Variants in PSD3 observed in about 807,000 individuals in gnomAD.
PSD3 encodes pleckstrin and Sec7 domain containing 3.
Under a neutral mutation model 105.5 loss-of-function variants are expected in PSD3, and 49 were observed. The observed-to-expected ratio is 0.46, with a 90% confidence interval of 0.37 to 0.59. PSD3 has a LOEUF of 0.59. Ranked by LOEUF, PSD3 falls within the 20% of genes least tolerant of loss-of-function variation. The pLI is 0.00. For missense variants in PSD3, 1,561 were observed against 1,263.8 expected, an observed-to-expected ratio of 1.24 and a Z score of -3.57; for synonymous variants, 557 against 457.8, an observed-to-expected ratio of 1.22 and a Z score of -2.77.
chr8:18,819,579 T>C (rs1169325333), intron 4 of PSD3, among the ~76,000 whole-genome samples: 2 of 138,446 alleles, frequency 1.4e-5, no homozygotes, highest in Admixed American at 1.4e-4. Context: ...GAATGGATTT[T>C]TTTTTTTTTT....
At chr8:18,565,424 C>G (rs1801677624) in intron 14 of PSD3, among the ~76,000 whole-genome samples, 1 of 152,168 alleles carries the variant, frequency 6.6e-6, no homozygotes, top group Non-Finnish European at 1.5e-5. Context: ...TCCTCCTACA[C>G]AGCAGAGTTG....
intron 14 of PSD3, among the ~76,000 whole-genome samples, chr8:18,565,663 C>T (rs956104050): frequency 5.3e-5 from 8 of 152,042 alleles, no homozygotes; most frequent in African/African-American, 1.4e-4. Context: ...ATTTTTATAC[C>T]TGTATTTTGT....
At chr8:18,590,993 C>G (rs1803560843) in intron 12 of PSD3, among the ~76,000 whole-genome samples, 2 of 152,126 alleles carry the variant, frequency 1.3e-5, no homozygotes. Context: ...CCTGGGAGTG[C>G]TGTTAGCAAG....
intron 4 of PSD3, among the ~76,000 whole-genome samples, chr8:18,822,642 A>T (rs1272002225): frequency 6.6e-6 from 1 of 152,174 alleles, no homozygotes; most frequent in African/African-American, 2.4e-5. Context: ...ATCAGTGTGA[A>T]CCACTAAGCA....
intron 1 of PSD3, among the ~76,000 whole-genome samples, chr8:19,031,861 T>C (rs2129476246): frequency 6.6e-6 from 1 of 152,348 alleles, no homozygotes; most frequent in African/African-American, 2.4e-5. Context: ...TAACTCAATC[T>C]CAGTTTACAG....
At chr8:18,983,994 G>C (rs1326470696) in intron 1 of PSD3, among the ~76,000 whole-genome samples, 5 of 140,512 alleles carry the variant, frequency 3.6e-5, no homozygotes, top group African/African-American at 1.3e-4. Context: ...AACAAAGTGA[G>C]ACACTATCTC....
intron 15 of PSD3, among the ~76,000 whole-genome samples, chr8:18,551,785 C>A (rs1800782974): frequency 6.6e-6 from 1 of 152,084 alleles, no homozygotes; most frequent in Non-Finnish European, 1.5e-5. Flanking sequence ...GGATTGGAAC[C>A]TGAAAACACA....
intron 9 of PSD3, among the ~76,000 whole-genome samples, chr8:18,720,164 G>C (rs950471990): frequency 2.0e-5 from 3 of 152,040 alleles, no homozygotes; most frequent in Non-Finnish European, 2.9e-5. Flanking sequence ...TGCAAGCAGA[G>C]AAGTTGGAAA....
At chr8:18,901,270 G>A (rs549975077) in intron 2 of PSD3, among the ~76,000 whole-genome samples, 1 of 152,066 alleles carries the variant, frequency 6.6e-6, no homozygotes, top group African/African-American at 2.4e-5. Flanking sequence ...TAAAATATTT[G>A]AATATAAGTG....
At chr8:18,985,888 C>CT (rs1490565538) in intron 1 of PSD3, among the ~76,000 whole-genome samples, 1 of 151,640 alleles carries the variant, frequency 6.6e-6, no homozygotes, top group Non-Finnish European at 1.5e-5. Context: ...CTTTCTAACT[C>CT]TAAATTAATA....
chr8:18,958,934 CTTTT>C (rs1393038292), intron 1 of PSD3, among the ~76,000 whole-genome samples: 1 of 118,590 alleles, frequency 8.4e-6, no homozygotes, highest in East Asian at 2.6e-4. Flanking sequence ...TTTTTTTTTT[CTTTT>C]GAGACGGAGT....
At chr8:18,929,779 C>T (rs1036830085) in intron 2 of PSD3, among the ~76,000 whole-genome samples, 6 of 151,778 alleles carry the variant, frequency 4.0e-5, no homozygotes, top group African/African-American at 9.7e-5. Context: ...AACTGACCCT[C>T]GATGAAGCAA....
intron 1 of PSD3, among the ~76,000 whole-genome samples, chr8:19,060,243 A>T (rs985892469): frequency 7.2e-5 from 11 of 152,228 alleles, no homozygotes; most frequent in African/African-American, 2.7e-4. Context: ...AAAGAGAAAA[A>T]AAACTTTAAA....
chr8:18,716,092 T>C (rs985528746), intron 9 of PSD3, among the ~76,000 whole-genome samples: 2 of 152,128 alleles, frequency 1.3e-5, no homozygotes. Context: ...CATGGCCCAA[T>C]TGTTGGTCAG....
intron 6 of PSD3, among the ~76,000 whole-genome samples, chr8:18,803,807 C>T (rs546383340): frequency 3.3e-5 from 5 of 151,904 alleles, no homozygotes; most frequent in South Asian, 2.1e-4. Context: ...CATTGTTTAA[C>T]GAGTATGGAG....
chr8:18,627,717 T>C (rs546613693), intron 11 of PSD3, among the ~76,000 whole-genome samples: 10 of 152,020 alleles, frequency 6.6e-5, no homozygotes, highest in Non-Finnish European at 1.5e-4. Context: ...TCCAGTGTTT[T>C]TTTTAGATGA....
At chr8:18,949,958 A>G (rs957844713) in intron 1 of PSD3, among the ~76,000 whole-genome samples, 1 of 152,212 alleles carries the variant, frequency 6.6e-6, no homozygotes, top group African/African-American at 2.4e-5. Context: ...AATTACCAGT[A>G]AAGTCATTCT....
At chr8:18,787,832 A>T (rs1809325074) in intron 8 of PSD3, among the ~76,000 whole-genome samples, 1 of 152,224 alleles carries the variant, frequency 6.6e-6, no homozygotes. Flanking sequence ...ACATTCCCAT[A>T]AACAATTTTT....
intron 2 of PSD3, chr8:18,887,115 T>G (rs1818497154): frequency 6.6e-6 from 1 of 152,210 alleles, no homozygotes. Context: ...GCTGTCATCT[T>G]AGTATTATGC....
Sources: allele counts gnomAD v4.1 joint callset (sites outside exome capture counted in the v4.1 genomes callset), GRCh38; gene constraint gnomAD v4.1.1; transcripts MANE v1.5; gene names NCBI Gene and HGNC (gene_info 2026-07-23, HGNC 2026-07-21).